AKAP13: variants seen among roughly 807,000 people sequenced by gnomAD.
The protein encoded by AKAP13 is A-kinase anchor protein 13.
Under a neutral mutation model 264.5 loss-of-function variants are expected in AKAP13, and 80 were observed. The observed-to-expected ratio is 0.30, with a 90% CI of 0.25 to 0.36. The LOEUF is 0.36. Ranked by LOEUF, AKAP13 falls within the 10% of genes least tolerant of loss-of-function variation. The probability of loss-of-function intolerance (pLI) is 1.00; values close to 1 mark genes in which losing one functional copy is unlikely to be tolerated. For synonymous variants in AKAP13, 1,380 were observed against 1,250.2 expected, an observed-to-expected ratio of 1.10 and a Z score of -2.19; for missense variants, 3,712 against 3,435.2, an observed-to-expected ratio of 1.08 and a Z score of -2.01.
At chr15:85,657,451 A>G (rs912198346) in intron 11 of AKAP13, among the ~76,000 whole-genome samples, 1 of 152,174 alleles carries the variant, frequency 6.6e-6, no homozygotes, top group Non-Finnish European at 1.5e-5. Flanking sequence ...ATAATTTTTC[A>G]GTCCTCTCCA....
chr15:85,405,294 G>A (rs1411665070), intron 1 of AKAP13, among the ~76,000 whole-genome samples: 1 of 152,098 alleles, frequency 6.6e-6, no homozygotes, highest in Non-Finnish European at 1.5e-5. Context: ...TTTGAACTGG[G>A]TAGTTTAAAA....
At position 85,710,585 on chromosome 15, in the gene AKAP13, A is replaced by G. The variant is rs777267752; in HGVS notation, c.5539A>G (p.Lys1847Glu). 8.1e-6 allele frequency: 13 copies of G among 1,613,860 alleles called. No homozygotes were observed. Among genetic ancestry groups the G allele is most frequent in the Non-Finnish European group, 1.7e-6 (2 of 1,179,924 alleles). ...TTACTTTCTTTCTCTTTAGCAGCCC[A>G]AAGGGAGCCTTCAGGCACATGACAC... ...SCAKVKMKQP[K>E]GSLQAHDTSS... Residue 1847 changes from lysine to glutamate, a missense_variant, in exon 19 of 37, where the codon AAA becomes GAA. By Grantham distance (56) the Lys-to-Glu change is moderately conservative. Around this residue, in one of 3 missense-constraint regions of AKAP13, gnomAD observed 2,759 missense variants for 2,411.7 expected, o/e 1.14. Coordinates refer to ENST00000394518, the MANE Select transcript of AKAP13 (RefSeq NM_007200.5).
intron 2 of AKAP13, among the ~76,000 whole-genome samples, chr15:85,520,391 A>G (rs1364140188): frequency 1.3e-5 from 2 of 150,592 alleles, no homozygotes; most frequent in Admixed American, 1.3e-4. Context: ...CCAGCTACTC[A>G]GGAGGCTGAG....
At chr15:85,391,013 A>C (rs983590923) in intron 1 of AKAP13, among the ~76,000 whole-genome samples, 2 of 152,214 alleles carry the variant, frequency 1.3e-5, no homozygotes, top group African/African-American at 2.4e-5. Context: ...AGAGAATTGT[A>C]GATAGAGAAG....
intron 5 of AKAP13, among the ~76,000 whole-genome samples, chr15:85,569,740 C>T (rs1398382481): frequency 2.0e-5 from 3 of 151,932 alleles, no homozygotes; most frequent in Non-Finnish European, 2.9e-5. Flanking sequence ...CCAGCCAGAT[C>T]AACATTTTTA....
chr15:85,616,883 T>C (rs2080957628), intron 8 of AKAP13, among the ~76,000 whole-genome samples: 1 of 152,208 alleles, frequency 6.6e-6, no homozygotes, highest in Admixed American at 6.5e-5. Context: ...CCCAGAGCAT[T>C]TGTTTCCCAC....
Position 85,711,085 on chromosome 15 carries a change from G to A in AKAP13, c.5599+440G>A, listed in dbSNP as rs2086612172. On this transcript the variant is annotated intron_variant, in intron 19 of 36. Transcript: ENST00000394518. ...GGCTGGAGTACAATAGCACAATCTC[G>A]GCTCACTGCAACCTCCACCTCCCTG... 3.3e-5 allele frequency among the ~76,000 whole-genome samples: 5 copies of A among 151,588 alleles called. No individual in the cohort carries two copies. In the South Asian group the frequency reaches 6.2e-4, roughly 19 times the overall value.
At chr15:85,382,413 T>C (rs1170731771) in intron 1 of AKAP13, among the ~76,000 whole-genome samples, 2 of 152,166 alleles carry the variant, frequency 1.3e-5, no homozygotes, top group African/African-American at 4.8e-5. Flanking sequence ...CATTGCACTT[T>C]TAAATTACAG....
chr15:85,559,719 G>A (rs1015442951), intron 5 of AKAP13, among the ~76,000 whole-genome samples: 25 of 129,312 alleles, frequency 1.9e-4, no homozygotes, highest in African/African-American at 5.9e-4. Flanking sequence ...GACAGGAGGC[G>A]GAATTCAGGT....
intron 8 of AKAP13, among the ~76,000 whole-genome samples, chr15:85,634,828 T>C (rs1184637344): frequency 6.8e-6 from 1 of 147,374 alleles, no homozygotes; most frequent in Non-Finnish European, 1.5e-5. Flanking sequence ...ATACATAGTC[T>C]TTTGAGTCTG....
At chr15:85,429,522 A>G (rs1205872093) in intron 1 of AKAP13, among the ~76,000 whole-genome samples, 3 of 152,244 alleles carry the variant, frequency 2.0e-5, no homozygotes, top group Non-Finnish European at 2.9e-5. Flanking sequence ...CTAAGAAAAT[A>G]GTAACCTCCC....
intron 1 of AKAP13, among the ~76,000 whole-genome samples, chr15:85,411,008 G>T (rs560483969): frequency 8.8e-5 from 13 of 148,520 alleles, no homozygotes; most frequent in Non-Finnish European, 1.6e-4. Context: ...CTATAACATT[G>T]GTTCTCCAAG....
chr15:85,630,166 T>TATACACAC lies in AKAP13; in HGVS notation c.4162-9207_4162-9206insTACACACA, dbSNP rs71468125. Among the ~76,000 whole-genome samples, 356 of 100,156 alleles carry TATACACAC rather than the reference T, an allele frequency of 3.6e-3. 3 individuals carry two copies. The highest frequency in any genetic ancestry group is 0.028 in the Admixed American group (244 of 8,778). 65.7% of individuals were successfully genotyped at this position (100,156 alleles called of 152,430 possible). A position where few individuals can be genotyped will look rare whatever the true frequency, so the allele number is the denominator to read the frequency against. On this transcript the variant is annotated intron_variant, in intron 8 of 36. Coordinates refer to ENST00000394518, the MANE Select transcript of AKAP13 (RefSeq NM_007200.5). ...TCTCTATTCTCTGTTTTTTAACACATACACACACACACACACACACACACA... is the reference window on the plus strand; with the variant it reads ...TCTCTATTCTCTGTTTTTTAACACATATACACACACACACACACACACACACACACACA...
At chr15:85,491,390 C>T (rs2075718161) in intron 2 of AKAP13, among the ~76,000 whole-genome samples, 1 of 151,296 alleles carries the variant, frequency 6.6e-6, no homozygotes, top group South Asian at 2.1e-4. Flanking sequence ...TTGGACTACC[C>T]TTTTGAGGAA....
At chr15:85,661,085 C>G (rs1567180580) in intron 12 of AKAP13, among the ~76,000 whole-genome samples, 1 of 152,110 alleles carries the variant, frequency 6.6e-6, no homozygotes, top group Non-Finnish European at 1.5e-5. Flanking sequence ...TATCTCTTCT[C>G]AGAAAACAAA....
rs1239276358 is a variant in AKAP13 at position 85,743,744 on chromosome 15, A to G, written c.8311A>G (p.Thr2771Ala). ...SQAPASTSAS[T>A]RLFGLTKPKE... ...GGCCCCTGCGTCCACCTCTGCCTCTACCCGCCTGTTTGGGTTAACAAAGCC... is the reference window on the plus strand; with the variant it reads ...GGCCCCTGCGTCCACCTCTGCCTCTGCCCGCCTGTTTGGGTTAACAAAGCC... Residue 2771 changes from threonine to alanine, a missense_variant, in exon 36 of 37, where the codon ACC (threonine) becomes GCC (alanine). Physicochemically the swap from Thr to Ala is moderately conservative, Grantham distance 58. Transcript: ENST00000394518. 8 of 1,613,990 alleles carry G rather than the reference A, an allele frequency of 5.0e-6. No individual in the cohort carries two copies. In the East Asian group the frequency reaches 1.6e-4, roughly 31 times the overall value.
chr15:85,593,255 T>C (rs1596637671), intron 8 of AKAP13, among the ~76,000 whole-genome samples: 1 of 152,240 alleles, frequency 6.6e-6, no homozygotes, highest in East Asian at 1.9e-4. Context: ...GAGGTTGCAG[T>C]GAGCCAAGAT....
intron 32 of AKAP13, among the ~76,000 whole-genome samples, 159 bp downstream of exon 32, chr15:85,735,789 A>G (rs2088429576): frequency 6.6e-6 from 1 of 152,210 alleles, no homozygotes; most frequent in Non-Finnish European, 1.5e-5. Flanking sequence ...CAAATAGTAC[A>G]GTTAAGAGCT....
At chr15:85,703,232 A>C (rs1394995735) in intron 17 of AKAP13, among the ~76,000 whole-genome samples, 1 of 152,234 alleles carries the variant, frequency 6.6e-6, no homozygotes, top group African/African-American at 2.4e-5. Flanking sequence ...TGAGAGAATA[A>C]AATACATATA....
Sources: gnomAD v4.1 joint callset for allele counts (sites outside exome capture counted in the v4.1 genomes callset) on GRCh38, gnomAD v4.1.1 for gene constraint, gnomAD v4.1.1 regional missense constraint, MANE v1.5 for transcripts, NCBI Gene and HGNC (gene_info 2026-07-23, HGNC 2026-07-21) for gene names.